PDGFRA: variants seen among roughly 807,000 people sequenced by gnomAD.
The protein encoded by PDGFRA is platelet derived growth factor receptor alpha, also known as platelet-derived growth factor receptor alpha.
A neutral mutation model predicts 121.5 loss-of-function variants in PDGFRA; 25 were observed. The observed-to-expected ratio is 0.21, with a 90% CI of 0.15 to 0.29. The LOEUF is 0.29. Among genes scored for constraint, PDGFRA ranks in the 10% least tolerant of loss-of-function variants. The pLI, the probability that PDGFRA is intolerant of heterozygous loss-of-function variation, is 1.00. For missense variants in PDGFRA, 1,008 were observed against 1,345.1 expected, an observed-to-expected ratio of 0.75 and a Z score of 3.92; for synonymous variants, 463 against 494.8, an observed-to-expected ratio of 0.94 and a Z score of 0.85.
chr4:54,245,254 G>A (rs958055167), intron 1 of PDGFRA, among the ~76,000 whole-genome samples: 3 of 152,150 alleles, frequency 2.0e-5, no homozygotes, highest in African/African-American at 7.2e-5. Flanking sequence ...GCAACTCCAA[G>A]ACACATAATT....
chr4:54,272,291 T>C (rs909064159), intron 8 of PDGFRA, 103 bp from the exon 9 acceptor site: 2 of 1,301,532 alleles, frequency 1.5e-6, no homozygotes, highest in Admixed American at 1.7e-5. Context: ...CCGGAGTGTT[T>C]TGAATGCCAT....
chr4:54,236,785 A>C (rs1462022328), intron 1 of PDGFRA, among the ~76,000 whole-genome samples: 1 of 152,136 alleles, frequency 6.6e-6, no homozygotes, highest in Non-Finnish European at 1.5e-5. Flanking sequence ...CCCAGGCGGC[A>C]GTGCAAGACT....
Position 54,289,105 on chromosome 4 carries a change from A to G in PDGFRA, c.2871A>G (p.Gln957=), listed in dbSNP as rs752373446. The change falls in exon 21 of 23, where the codon CAA becomes CAG. Residue 957 remains glutamine (Q), a synonymous_variant. Transcript: ENST00000257290. ...SEIVENLLPG[Q]YKKSYEKIHL... ...TTGTGGAGAATCTGCTGCCTGGACA[A>G]TATAAAAAGGTGTGTTTGGATCTGT... The G allele has an allele frequency of 9.3e-5, 146 of 1,576,334 alleles. 1 individual carries two copies. The Admixed American group carries it at 1.3e-3, about 14-fold the overall frequency.
chr4:54,242,452 T>C (rs1721357729), intron 1 of PDGFRA, among the ~76,000 whole-genome samples: 1 of 152,016 alleles, frequency 6.6e-6, no homozygotes, highest in Admixed American at 6.5e-5. Context: ...CTGGCTAGAG[T>C]CTGGTATTAA....
intron 1 of PDGFRA, among the ~76,000 whole-genome samples, chr4:54,249,082 A>G (rs903622455): frequency 6.6e-6 from 1 of 152,154 alleles, no homozygotes; most frequent in Admixed American, 6.5e-5. Flanking sequence ...GGTGCTGGAG[A>G]GGATGTGGAG....
chr4:54,261,336 G>T lies in PDGFRA; in HGVS notation c.291G>T (p.Leu97Phe), dbSNP rs1577705652. The change falls in exon 3 of 23, where the codon TTG becomes TTT. Residue 97 changes from leucine to phenylalanine, a missense_variant. Leu to Phe is a conservative substitution (Grantham distance 22). Coordinates refer to ENST00000257290, the MANE Select transcript of PDGFRA (RefSeq NM_006206.6). ...GTGCCTCGGCGGCCCACACAGGGTT[G>T]TACACTTGCTATTACAACCACACTC... ...VSSASAAHTG[L>F]YTCYYNHTQT... is the part of the protein sequence containing the mutation. 6.2e-7 allele frequency: 1 copy of T among 1,613,972 alleles called. No homozygotes were observed.
intron 22 of PDGFRA, among the ~76,000 whole-genome samples, chr4:54,292,629 T>C (rs1724686582): frequency 6.6e-6 from 1 of 152,030 alleles, no homozygotes; most frequent in Non-Finnish European, 1.5e-5. Context: ...TGTTTACCCA[T>C]GTAACAAACC....
At chr4:54,251,353 A>C (rs1445962294) in intron 1 of PDGFRA, among the ~76,000 whole-genome samples, 1 of 152,206 alleles carries the variant, frequency 6.6e-6, no homozygotes, top group African/African-American at 2.4e-5. Flanking sequence ...AATTGAAAAA[A>C]GTATACTACT....
At chr4:54,254,970 A>G (rs1247441652) in intron 1 of PDGFRA, among the ~76,000 whole-genome samples, 2 of 152,142 alleles carry the variant, frequency 1.3e-5, no homozygotes, top group African/African-American at 4.8e-5. Context: ...GGGGAGGGAC[A>G]GGCACTGGGC....
chr4:54,265,091 C>A, intron 5 of PDGFRA, 42 bp downstream of exon 5: 1 of 1,607,542 alleles, frequency 6.2e-7, no homozygotes, highest in Non-Finnish European at 8.5e-7. Flanking sequence ...AGCAGAGCAA[C>A]AGGGCTCAGA....
At position 54,252,709 on chromosome 4, in the gene PDGFRA, T is replaced by A. The variant is rs1173350975; in HGVS notation, c.-12-6048T>A. 3.9e-5 allele frequency among the ~76,000 whole-genome samples: 6 copies of A among 152,026 alleles called. No individual in the cohort carries two copies. The South Asian group carries it at 1.2e-3, about 32-fold the overall frequency. ...AGTGGCTTTTGGGACTGTGAGAGAG[T>A]CTCTTGTGGTCTTTAATCATGTGAG... On this transcript the variant is annotated intron_variant, in intron 1 of 22. Transcript: ENST00000257290.
intron 1 of PDGFRA, chr4:54,229,828 T>A (rs951651680): frequency 6.6e-6 from 1 of 152,446 alleles, no homozygotes. Flanking sequence ...TTCTTGGCAG[T>A]GGGTCCTGGA....
intron 16 of PDGFRA, chr4:54,282,128 AT>A (rs1333310790): frequency 1.8e-5 from 4 of 222,334 alleles, no homozygotes; most frequent in South Asian, 1.6e-4. Flanking sequence ...CAAAATAATT[AT>A]GTGTAAGATT....
intron 16 of PDGFRA, among the ~76,000 whole-genome samples, chr4:54,282,699 C>T (rs1724136646): frequency 6.6e-6 from 1 of 152,206 alleles, no homozygotes; most frequent in African/African-American, 2.4e-5. Flanking sequence ...ATAGTCCCCT[C>T]AAGCCTTAAC....
At chr4:54,280,557 G>A (rs2110325757) in intron 16 of PDGFRA, 75 bp downstream of exon 16, 1 of 1,229,364 alleles carries the variant, frequency 8.1e-7, no homozygotes, top group Non-Finnish European at 1.2e-6. Context: ...TATTTAGAGG[G>A]AAGTGTATAG....
At chr4:54,230,957 G>A (rs528858722) in intron 1 of PDGFRA, among the ~76,000 whole-genome samples, 64 of 152,342 alleles carry the variant, frequency 4.2e-4, no homozygotes, top group African/African-American at 1.5e-3. Flanking sequence ...AGGTCGGAGC[G>A]ACGAGTGTGG....
At chr4:54,264,512 A>T (rs1408910620) in intron 4 of PDGFRA, 1 of 282,756 alleles carries the variant, frequency 3.5e-6, no homozygotes, top group East Asian at 9.9e-5. Flanking sequence ...ATAACTGAGG[A>T]GCAGAGTGGA....
chr4:54,261,203 G>A lies in PDGFRA; in HGVS notation c.158G>A (p.Ser53Asn), dbSNP rs1190592187. 2 of 1,614,188 alleles carry A rather than the reference G, an allele frequency of 1.2e-6. No homozygotes were observed. The highest frequency in any genetic ancestry group is 1.7e-6 in the Non-Finnish European group (2 of 1,180,016). The change falls in exon 3 of 23, where the codon AGT becomes AAT. Residue 53 changes from serine to asparagine, a missense_variant. Around this residue, in one of 5 missense-constraint regions of PDGFRA, gnomAD observed 575 missense variants for 701.8 expected, o/e 0.82. Transcript: ENST00000257290. ...SSFSLRCFGE[S>N]EVSWQYPMSE... is the part of the protein sequence containing the mutation. ...TTTTCTCTGAGATGCTTTGGGGAGAGTGAAGTGAGCTGGCAGTACCCCATG... is the reference window on the plus strand; with the variant it reads ...TTTTCTCTGAGATGCTTTGGGGAGAATGAAGTGAGCTGGCAGTACCCCATG...
Position 54,261,283 on chromosome 4 carries a change from C to CT in PDGFRA, c.243dup (p.Val82CysfsTer30). On this transcript the variant is annotated frameshift_variant, in exon 3 of 23. Transcript: ENST00000257290. LOFTEE classifies it high-confidence loss of function. ...CAGAAATGAAGAAAACAACAGCGGCCTTTTTGTGACGGTCTTGGAAGTGAG... is the reference window on the plus strand; with the variant it reads ...CAGAAATGAAGAAAACAACAGCGGCCTTTTTTGTGACGGTCTTGGAAGTGAG... 1 of 1,614,120 alleles carries CT rather than the reference C, an allele frequency of 6.2e-7. No individual in the cohort carries two copies. Among genetic ancestry groups the CT allele is most frequent in the Non-Finnish European group, 8.5e-7 (1 of 1,180,016 alleles).
Sources: allele counts gnomAD v4.1 joint callset (sites outside exome capture counted in the v4.1 genomes callset), GRCh38; gene constraint gnomAD v4.1.1; regional missense constraint gnomAD v4.1.1; transcripts MANE v1.5; gene names NCBI Gene and HGNC (gene_info 2026-07-23, HGNC 2026-07-21).